ZNF578: variants seen among roughly 807,000 people sequenced by gnomAD.
The protein encoded by ZNF578 is zinc finger protein 578, also known as Putative chemokine-related protein B42.
Under a neutral mutation model 8.3 loss-of-function variants are expected in ZNF578, and 8 were observed. That is an observed-to-expected ratio of 0.96 (90% CI 0.56 to 1.74). ZNF578 has a LOEUF of 1.74. Among genes scored for constraint, ZNF578 ranks in the 40% most tolerant of loss-of-function variants. The pLI is 0.00. For synonymous variants in ZNF578, 206 were observed against 232.2 expected (o/e 0.89, Z 1.03); for missense variants, 726 against 707.5 (o/e 1.03, Z -0.30).
At chr19:52,501,600 CGT>C (rs2059407601) in intron 3 of ZNF578, among the ~76,000 whole-genome samples, 1 of 151,562 alleles carries the variant, frequency 6.6e-6, no homozygotes, top group Non-Finnish European at 1.5e-5. Flanking sequence ...ACTGCTGCCT[CGT>C]GTGTGGTGGC....
intron 2 of ZNF578, among the ~76,000 whole-genome samples, chr19:52,469,333 G>T (rs995202307): frequency 6.6e-6 from 1 of 151,748 alleles, no homozygotes; most frequent in African/African-American, 2.4e-5. Context: ...GCTAATTTTT[G>T]CATTTTTTGT....
chr19:52,499,107 T>C (rs1311929455), intron 3 of ZNF578, among the ~76,000 whole-genome samples: 1 of 152,182 alleles, frequency 6.6e-6, no homozygotes, highest in Non-Finnish European at 1.5e-5. Flanking sequence ...CTTGGTGAAA[T>C]GTCTCCCGCT....
chr19:52,494,382 A>C (rs994344965), intron 3 of ZNF578, among the ~76,000 whole-genome samples: 2 of 152,176 alleles, frequency 1.3e-5, no homozygotes, highest in Non-Finnish European at 1.5e-5. Flanking sequence ...CTGTAATTTC[A>C]GCTACTCTGT....
chr19:52,481,310 G>A (rs1334066903), intron 2 of ZNF578, among the ~76,000 whole-genome samples: 2 of 152,120 alleles, frequency 1.3e-5, no homozygotes, highest in Non-Finnish European at 2.9e-5. Flanking sequence ...CCATGTTGCC[G>A]TGGACCCTGT....
intron 5 of ZNF578, among the ~76,000 whole-genome samples, chr19:52,506,852 G>A (rs1226815948): frequency 6.6e-6 from 1 of 152,192 alleles, no homozygotes; most frequent in Non-Finnish European, 1.5e-5. Flanking sequence ...AAGTTTTACA[G>A]GACAGACTCT....
At chr19:52,504,865 T>G in intron 5 of ZNF578, 84 bp downstream of exon 5, 1 of 1,579,164 alleles carries the variant, frequency 6.3e-7, no homozygotes, top group Non-Finnish European at 8.5e-7. Flanking sequence ...TTTTGTGATT[T>G]TGCCCCATAC....
intron 3 of ZNF578, among the ~76,000 whole-genome samples, chr19:52,492,445 G>A (rs1165234488): frequency 6.6e-6 from 1 of 152,182 alleles, no homozygotes; most frequent in South Asian, 2.1e-4. Context: ...GCACAGGGTG[G>A]ACTCTCCCTC....
intron 2 of ZNF578, among the ~76,000 whole-genome samples, chr19:52,489,375 A>G (rs1243853622): frequency 6.6e-6 from 1 of 152,034 alleles, no homozygotes; most frequent in Non-Finnish European, 1.5e-5. Context: ...GAATCACCTG[A>G]CGTCGGGGGT....
At chr19:52,482,834 G>T (rs537603485) in intron 2 of ZNF578, among the ~76,000 whole-genome samples, 4 of 151,712 alleles carry the variant, frequency 2.6e-5, no homozygotes, top group African/African-American at 9.7e-5. Flanking sequence ...CTACTTCGGA[G>T]GCTGAGGCAG....
chr19:52,492,957 C>G (rs2122889434), intron 3 of ZNF578: 1 of 152,408 alleles, frequency 6.6e-6, no homozygotes, highest in African/African-American at 2.4e-5. Context: ...CCTGGAAATT[C>G]TCGCTTGTCT....
At chr19:52,468,415 G>T (rs2122788421) in intron 2 of ZNF578, among the ~76,000 whole-genome samples, 1 of 152,294 alleles carries the variant, frequency 6.6e-6, no homozygotes, top group African/African-American at 2.4e-5. Context: ...GGACCTATGT[G>T]TCCAGCCACA....
At chr19:52,485,248 A>T (rs1191218066) in intron 2 of ZNF578, among the ~76,000 whole-genome samples, 1 of 152,196 alleles carries the variant, frequency 6.6e-6, no homozygotes, top group Non-Finnish European at 1.5e-5. Flanking sequence ...AGTAAGAACA[A>T]GGCCCCAAGG....
chr19:52,462,639 G>A (rs532751890), intron 2 of ZNF578, among the ~76,000 whole-genome samples: 14 of 152,294 alleles, frequency 9.2e-5, no homozygotes, highest in African/African-American at 3.4e-4. Flanking sequence ...TGCAAGCTGG[G>A]TCAGCCTCTT....
intron 2 of ZNF578, among the ~76,000 whole-genome samples, chr19:52,459,231 A>G (rs2059248633): frequency 6.6e-6 from 1 of 152,182 alleles, no homozygotes; most frequent in African/African-American, 2.4e-5. Context: ...CTGAAACTGT[A>G]TACCCAGAAT....
Position 52,511,624 on chromosome 19 carries a change from T to C in ZNF578, c.1243T>C (p.Ser415Pro). 1 of 1,612,852 alleles carries C rather than the reference T, an allele frequency of 6.2e-7. No individual in the cohort carries two copies. Among genetic ancestry groups the C allele is most frequent in the African/African-American group, 1.3e-5 (1 of 74,902 alleles). The change falls in exon 6 of 6, where the codon TCA becomes CCA. Residue 415 changes from serine to proline, a missense_variant. Transcript: ENST00000421239. The stretch of plus-strand genomic sequence containing the variant: ...GGCTTTTAATCAACAATCACACCTT[T>C]CACGTCATCATAGACTTCATACTGG... ...GKAFNQQSHL[S>P]RHHRLHTGEK... is the part of the protein sequence containing the mutation.
At chr19:52,497,585 C>T (rs1160248423) in intron 3 of ZNF578, among the ~76,000 whole-genome samples, 1 of 152,060 alleles carries the variant, frequency 6.6e-6, no homozygotes, top group Non-Finnish European at 1.5e-5. Context: ...TTCATTACAT[C>T]TATATTTTTT....
At chr19:52,479,542 C>CAAAAAAAAA (rs34862610) in intron 2 of ZNF578, among the ~76,000 whole-genome samples, 1 of 64,260 alleles carries the variant, frequency 1.6e-5, no homozygotes, top group Admixed American at 1.6e-4. Flanking sequence ...GACTCCATCT[C>CAAAAAAAAA]AAAAAAAAAA....
intron 3 of ZNF578, among the ~76,000 whole-genome samples, chr19:52,496,745 C>T (rs2059388304): frequency 6.6e-6 from 1 of 151,858 alleles, no homozygotes; most frequent in East Asian, 1.9e-4. Context: ...TCATGTGATT[C>T]TCCTGCCTCA....
chr19:52,502,891 C>G (rs2122944151), intron 4 of ZNF578, among the ~76,000 whole-genome samples: 1 of 151,984 alleles, frequency 6.6e-6, no homozygotes, highest in Middle Eastern at 3.4e-3. Flanking sequence ...CATGGGTCAC[C>G]ATATGTATGT....
Sources: allele counts gnomAD v4.1 joint callset (sites outside exome capture counted in the v4.1 genomes callset), GRCh38; gene constraint gnomAD v4.1.1; transcripts MANE v1.5; gene names NCBI Gene and HGNC (gene_info 2026-07-23, HGNC 2026-07-21).